The following GATA4 variants were observed in gnomAD, a reference collection of about 807,000 sequenced individuals.
GATA4 encodes transcription factor GATA-4.
In GATA4, 7 loss-of-function variants were observed where a neutral mutation model predicts 37.9. That is an observed-to-expected ratio of 0.18 (90% CI 0.11 to 0.35). The LOEUF (loss-of-function observed/expected upper bound fraction) is 0.35. Among genes scored for constraint, GATA4 ranks in the 10% least tolerant of loss-of-function variants. The pLI is 1.00. For missense variants in GATA4, 647 were observed against 653.0 expected, an observed-to-expected ratio of 0.99 and a Z score of 0.10; for synonymous variants, 372 against 292.6, an observed-to-expected ratio of 1.27 and a Z score of -2.77.
intron 1 of GATA4, 44 bp downstream of exon 1, chr8:11,704,348 C>G (rs1384395767): frequency 6.6e-6 from 1 of 152,294 alleles, no homozygotes; most frequent in Non-Finnish European, 1.5e-5. Flanking sequence ...CCCGCGGTCC[C>G]CCAAACTCGG....
intron 4 of GATA4, 128 bp from the exon 5 acceptor site, chr8:11,754,918 G>A (rs769504533): frequency 1.1e-5 from 8 of 744,048 alleles, no homozygotes; most frequent in South Asian, 3.0e-5. Flanking sequence ...TGTGCAGCCC[G>A]TCTGGGCCCC....
chr8:11,703,163 G>T (rs1475508756), upstream of GATA4, among the ~76,000 whole-genome samples: 2 of 151,210 alleles, frequency 1.3e-5, no homozygotes, highest in Non-Finnish European at 2.9e-5. Flanking sequence ...GTGCTGGAGA[G>T]AAAAACGCGG....
chr8:11,725,443 C>T (rs868764683), intron 2 of GATA4, among the ~76,000 whole-genome samples: 6 of 152,364 alleles, frequency 3.9e-5, no homozygotes, highest in Admixed American at 6.5e-5. Context: ...CAGAAGCCTC[C>T]GGCTCCGGGC....
chr8:11,711,747 C>CAAAAAA (rs71205018), intron 2 of GATA4, among the ~76,000 whole-genome samples: 1 of 56,862 alleles, frequency 1.8e-5, no homozygotes, highest in Non-Finnish European at 3.4e-5. Context: ...GACCCTCTCT[C>CAAAAAA]AAAAAAAAAA....
At chr8:11,704,449 C>T (rs188907977) in intron 1 of GATA4, 145 bp downstream of exon 1, 25 of 152,412 alleles carry the variant, frequency 1.6e-4, no homozygotes, top group African/African-American at 5.8e-4. Context: ...AATTGCCCAA[C>T]CCCTGCTCTG....
rs933246114 is a variant in GATA4, at chr8:11,758,828, C to G, written c.*353C>G. 5.5e-6 allele frequency: 2 copies of G among 360,736 alleles called. No homozygotes were observed. The highest frequency in any genetic ancestry group is 1.1e-5 in the Non-Finnish European group (2 of 187,010). 22.3% of individuals were successfully genotyped at this position (360,736 alleles called of 1,614,324 possible). ...GTTTCTAGCACCGAGGATCTGAGAA[C>G]AAGCGGAGGGCCGGGCCCTGGGACC... On this transcript the variant is annotated 3_prime_UTR_variant, in exon 7 of 7. Coordinates refer to ENST00000532059, the MANE Select transcript of GATA4 (RefSeq NM_001308093.3).
At chr8:11,695,649 C>T (rs1799487638) in intron 1 of GATA4, among the ~76,000 whole-genome samples, 1 of 152,200 alleles carries the variant, frequency 6.6e-6, no homozygotes, top group Non-Finnish European at 1.5e-5. Context: ...CTCCGCTTCC[C>T]ATCACCCTCT....
upstream of GATA4, among the ~76,000 whole-genome samples, chr8:11,690,909 C>T (rs1019425070): frequency 1.3e-5 from 2 of 152,232 alleles, no homozygotes; most frequent in African/African-American, 4.8e-5. Flanking sequence ...AGAAGATACC[C>T]TGCACAATAC....
At position 11,755,141 on chromosome 8, in the gene GATA4, A is replaced by G. The variant is rs368991642; in HGVS notation, c.1000+8A>G. On this transcript the variant is annotated splice_region_variant and intron_variant, in intron 5 of 6. Transcript: ENST00000532059. ...AATCTAAGACACCAGCAGGTGAGGA[A>G]AAGATCTGTGAGTGATTATATGAGT... is the stretch of plus-strand genomic sequence containing the variant. 2.2e-5 allele frequency: 36 copies of G among 1,605,908 alleles called. No individual in the cohort carries two copies. In the African/African-American group the frequency reaches 4.5e-4, roughly 20 times the overall value.
intron 2 of GATA4, among the ~76,000 whole-genome samples, chr8:11,730,684 C>T (rs185014964): frequency 2.8e-4 from 42 of 152,336 alleles, no homozygotes; most frequent in Admixed American, 2.0e-3. Context: ...CACTGAGGCC[C>T]AGCCAACACT....
intron 2 of GATA4, among the ~76,000 whole-genome samples, chr8:11,725,228 C>T (rs904082890): frequency 1.3e-5 from 2 of 152,242 alleles, no homozygotes; most frequent in Non-Finnish European, 2.9e-5. Flanking sequence ...TGTCATCATC[C>T]TCCCCAGCAG....
intron 2 of GATA4, among the ~76,000 whole-genome samples, chr8:11,741,118 G>C (rs780575826): frequency 6.6e-6 from 1 of 152,180 alleles, no homozygotes. Flanking sequence ...GAGTCTGCAT[G>C]TTTAGTGTCG....
chr8:11,731,573 GC>G (rs1801212101), intron 2 of GATA4, among the ~76,000 whole-genome samples: 1 of 152,216 alleles, frequency 6.6e-6, no homozygotes, highest in Non-Finnish European at 1.5e-5. Context: ...AGGTGGTGGG[GC>G]CAGGATCGGG....
intron 2 of GATA4, among the ~76,000 whole-genome samples, chr8:11,728,782 A>G (rs1270777989): frequency 6.6e-6 from 1 of 152,310 alleles, no homozygotes; most frequent in Non-Finnish European, 1.5e-5. Flanking sequence ...GGGGTTTTAT[A>G]TTAGTGAGAA....
At chr8:11,741,990 C>T (rs1008060759) in intron 2 of GATA4, among the ~76,000 whole-genome samples, 2 of 152,208 alleles carry the variant, frequency 1.3e-5, no homozygotes, top group Non-Finnish European at 2.9e-5. Flanking sequence ...TGGGTTCGAT[C>T]CCACTTTGCT....
At chr8:11,688,993 T>C (rs1309143896), upstream of GATA4, among the ~76,000 whole-genome samples, 1 of 152,198 alleles carries the variant, frequency 6.6e-6, no homozygotes, top group Admixed American at 6.5e-5. Flanking sequence ...CGGTTTACCT[T>C]ATATTTTTAT....
intron 2 of GATA4, among the ~76,000 whole-genome samples, chr8:11,739,337 G>A (rs940817675): frequency 6.6e-6 from 1 of 152,130 alleles, no homozygotes; most frequent in African/African-American, 2.4e-5. Context: ...TGGGCGTTTT[G>A]GTTGTTTCCA....
intron 2 of GATA4, among the ~76,000 whole-genome samples, chr8:11,743,656 G>A (rs1181761390): frequency 1.3e-5 from 2 of 152,218 alleles, no homozygotes; most frequent in African/African-American, 2.4e-5. Flanking sequence ...TTGTTGGGGT[G>A]GGTGGGTTCC....
intron 1 of GATA4, among the ~76,000 whole-genome samples, chr8:11,682,886 T>C (rs549771345): frequency 1.1e-4 from 17 of 152,324 alleles, no homozygotes; most frequent in Non-Finnish European, 2.4e-4. Context: ...AGTTACCCTC[T>C]TAGAACTACT....
Sources: gnomAD v4.1 joint callset for allele counts (sites outside exome capture counted in the v4.1 genomes callset) on GRCh38, gnomAD v4.1.1 for gene constraint, MANE v1.5 for transcripts, NCBI Gene and HGNC (gene_info 2026-07-23, HGNC 2026-07-21) for gene names.